The following SDR16C5 variants were observed in gnomAD, a reference collection of about 807,000 sequenced individuals.
SDR16C5 encodes the protein epidermal retinol dehydrogenase 2.
In SDR16C5, 20 loss-of-function variants were observed where a neutral mutation model predicts 27.7. The ratio of observed to expected loss-of-function variants is 0.72; its 90% confidence interval spans 0.51 to 1.05. SDR16C5 has a LOEUF of 1.05. SDR16C5 is among the 50% of genes least tolerant of loss of function. SDR16C5 has a pLI of 0.00. For synonymous variants in SDR16C5, 139 were observed against 132.3 expected, an observed-to-expected ratio of 1.05 and a Z score of -0.35; for missense variants, 374 against 366.3, an observed-to-expected ratio of 1.02 and a Z score of -0.17.
At position 56,306,440 on chromosome 8, in the gene SDR16C5, G is replaced by C. The variant is rs923478265; in HGVS notation, c.710+236C>G. Among the ~76,000 whole-genome samples the C allele has an allele frequency of 6.5e-4, 99 of 152,250 alleles. 1 individual carries two copies. In the Middle Eastern group the frequency reaches 0.01, roughly 16 times the overall value. On this transcript the variant is annotated intron_variant, in intron 5 of 6. Coordinates refer to ENST00000303749, the MANE Select transcript of SDR16C5 (RefSeq NM_138969.4). The stretch of plus-strand genomic sequence containing the variant: ...TGTGGCCCTGAGAGTCTGGGAAATG[G>C]AGGAGCAGATCCAGGGCCTGGGGGA...
At chr8:56,303,275 A>G (rs1419660172) in intron 6 of SDR16C5, among the ~76,000 whole-genome samples, 2 of 150,614 alleles carry the variant, frequency 1.3e-5, no homozygotes, top group African/African-American at 4.9e-5. Context: ...AGATTGCGCC[A>G]TTGCACTCCA....
Position 56,301,304 on chromosome 8 carries a change from T to A in SDR16C5, c.*176A>T, listed in dbSNP as rs1261939260. On this transcript the variant is annotated 3_prime_UTR_variant, in exon 7 of 7. Transcript: ENST00000303749. Reference sequence around the variant, plus strand: ...AAAAACCAAAACTCAACCAAATAGGTGATAGCAACATTATTTTCAAACACA... The same window carrying A: ...AAAAACCAAAACTCAACCAAATAGGAGATAGCAACATTATTTTCAAACACA... 1.8e-6 allele frequency: 1 copy of A among 545,900 alleles called. No individual in the cohort carries two copies. Among genetic ancestry groups the A allele is most frequent in the Non-Finnish European group, 3.3e-6 (1 of 304,868 alleles). The allele number at this position is 545,900 out of a possible 1,614,324, so 33.8% of individuals were successfully genotyped here.
intron 4 of SDR16C5, among the ~76,000 whole-genome samples, chr8:56,307,968 C>T (rs1814928038): frequency 6.6e-6 from 1 of 152,090 alleles, no homozygotes; most frequent in Admixed American, 6.6e-5. Flanking sequence ...TGAATGATTT[C>T]AAAGGCCCGT....
chr8:56,301,629 C>A (rs1814757677), intron 6 of SDR16C5, 56 bp from the exon 7 acceptor site: 6 of 1,277,028 alleles, frequency 4.7e-6, no homozygotes, highest in Non-Finnish European at 6.9e-6. Context: ...AGCCTCTTTA[C>A]CACCTCTACT....
intron 4 of SDR16C5, 134 bp from the exon 5 acceptor site, chr8:56,306,954 C>T: frequency 2.7e-6 from 2 of 749,080 alleles, no homozygotes; most frequent in Middle Eastern, 3.9e-4. Context: ...TCTTGGTCTA[C>T]TCCCACTGGA....
chr8:56,307,841 T>C (rs548038418), intron 4 of SDR16C5, among the ~76,000 whole-genome samples: 2 of 152,226 alleles, frequency 1.3e-5, no homozygotes, highest in South Asian at 2.1e-4. Flanking sequence ...ACTCACACGG[T>C]GGGAAATACA....
chr8:56,309,857 C>T (rs921129225), intron 3 of SDR16C5, among the ~76,000 whole-genome samples: 2 of 152,080 alleles, frequency 1.3e-5, no homozygotes, highest in African/African-American at 4.8e-5. Flanking sequence ...GGGACACTGC[C>T]TTTGAGAGCC....
At chr8:56,313,035 C>T (rs1815089737) in intron 2 of SDR16C5, among the ~76,000 whole-genome samples, 1 of 152,142 alleles carries the variant, frequency 6.6e-6, no homozygotes, top group Admixed American at 6.5e-5. Flanking sequence ...CTTGGCCTCC[C>T]AAAGTGTTGG....
intron 4 of SDR16C5, 125 bp from the exon 5 acceptor site, chr8:56,306,945 C>A: frequency 1.2e-6 from 1 of 802,144 alleles, no homozygotes; most frequent in Non-Finnish European, 1.9e-6. Flanking sequence ...TTTGTGTAAT[C>A]TTGGTCTACT....
chr8:56,301,866 T>C (rs1295807706), intron 6 of SDR16C5, among the ~76,000 whole-genome samples: 1 of 152,202 alleles, frequency 6.6e-6, no homozygotes, highest in African/African-American at 2.4e-5. Flanking sequence ...CAGTGAAGTC[T>C]TGTCCTGTAG....
chr8:56,316,171 C>G lies in SDR16C5; in HGVS notation c.177G>C (p.Gln59His). The G allele has an allele frequency of 1.2e-6, 2 of 1,614,100 alleles. No individual in the cohort carries two copies. The highest frequency in any genetic ancestry group is 1.7e-6 in the Non-Finnish European group (2 of 1,179,930). Residue 59 changes from glutamine (Q) to histidine (H), a missense_variant, in exon 2 of 7, where the codon CAG (glutamine) becomes CAC (histidine). Physicochemically the swap from Gln to His is conservative, Grantham distance 24 (BLOSUM62 0). Coordinates refer to ENST00000303749, the MANE Select transcript of SDR16C5 (RefSeq NM_138969.4). ...CAAGAACAGATCCCAGCCGGGCAAACTGCAAGGCTAAGAGCCTTCCGAGTC... is the reference window on the plus strand; with the variant it reads ...CAAGAACAGATCCCAGCCGGGCAAAGTGCAAGGCTAAGAGCCTTCCGAGTC... ...GSGLGRLLAL[Q>H]FARLGSVLVL...
chr8:56,310,109 G>T (rs1563440987), intron 3 of SDR16C5, among the ~76,000 whole-genome samples: 1 of 131,536 alleles, frequency 7.6e-6, no homozygotes, highest in African/African-American at 2.9e-5. Context: ...GGAGGAAGGA[G>T]GAGGAGAAGG....
chr8:56,304,576 T>C (rs1814836428), intron 6 of SDR16C5, among the ~76,000 whole-genome samples: 1 of 152,116 alleles, frequency 6.6e-6, no homozygotes, highest in African/African-American at 2.4e-5. Context: ...TTTGCTCTTA[T>C]TGCCCAAGTT....
intron 6 of SDR16C5, 96 bp downstream of exon 6, chr8:56,305,501 A>G: frequency 3.7e-6 from 4 of 1,079,986 alleles, no homozygotes; most frequent in Non-Finnish European, 5.2e-6. Flanking sequence ...ATGAATTTTA[A>G]TTTATCAGGT....
Position 56,306,821 on chromosome 8 carries a change from C to A in SDR16C5, c.566-1G>T. ...GCTGCAAATTTACTTGCACAGTAAT[C>A]TGAAAAAGACAAAGCATGATAACGT... On this transcript the variant is annotated splice_acceptor_variant, in intron 4 of 6. Coordinates refer to ENST00000303749, the MANE Select transcript of SDR16C5 (RefSeq NM_138969.4). LOFTEE classifies it high-confidence loss of function. 1 of 1,608,198 alleles carries A rather than the reference C, an allele frequency of 6.2e-7. No individual in the cohort carries two copies. Among genetic ancestry groups the A allele is most frequent in the Non-Finnish European group, 8.5e-7 (1 of 1,178,608 alleles).
At chr8:56,310,362 A>C (rs142113242) in intron 3 of SDR16C5, among the ~76,000 whole-genome samples, 1 of 11,946 alleles carries the variant, frequency 8.4e-5, no homozygotes, top group Non-Finnish European at 1.4e-4. Flanking sequence ...AGAAGAAGAA[A>C]AGAAGAAAAG....
intron 4 of SDR16C5, among the ~76,000 whole-genome samples, chr8:56,307,541 T>C (rs996029944): frequency 1.3e-5 from 2 of 152,252 alleles, no homozygotes; most frequent in Non-Finnish European, 2.9e-5. Context: ...AGGAGGCATA[T>C]TTAAACTTGC....
rs1380457963 is a variant in SDR16C5, at chr8:56,312,235, T to TA, written c.386dup (p.Thr130AsnfsTer7). 2.5e-6 allele frequency: 4 copies of TA among 1,613,344 alleles called. No individual in the cohort carries two copies. The highest frequency in any genetic ancestry group is 3.4e-6 in the Non-Finnish European group (4 of 1,179,338). On this transcript the variant is annotated frameshift_variant, in exon 3 of 7. Coordinates refer to ENST00000303749, the MANE Select transcript of SDR16C5 (RefSeq NM_138969.4). LOFTEE classifies it high-confidence loss of function. The stretch of plus-strand genomic sequence containing the variant: ...GACAGTCAAGGAACTTTTTGCCTGT[T>TA]ACGATTCCGGCATTGTTGATTAGGA...
Position 56,312,298 on chromosome 8 carries a change from A to C in SDR16C5, c.334-10T>G. ...CGACTTCTTTTTTAACCTGAATTGA[A>C]TAAGAGCAACACCACCAATGTAGTA... On this transcript the variant is annotated splice_polypyrimidine_tract_variant and intron_variant, in intron 2 of 6. Coordinates refer to ENST00000303749, the MANE Select transcript of SDR16C5 (RefSeq NM_138969.4). 6.2e-7 allele frequency: 1 copy of C among 1,612,288 alleles called. No individual in the cohort carries two copies. Among genetic ancestry groups the C allele is most frequent in the Admixed American group, 1.7e-5 (1 of 60,008 alleles).
Sources: gnomAD v4.1 joint callset for allele counts (sites outside exome capture counted in the v4.1 genomes callset) on GRCh38, gnomAD v4.1.1 for gene constraint, MANE v1.5 for transcripts, NCBI Gene and HGNC (gene_info 2026-07-23, HGNC 2026-07-21) for gene names.